The following THAP8 variants were observed in gnomAD, a reference collection of about 807,000 sequenced individuals.
The protein encoded by THAP8 is THAP domain containing 8.
A neutral mutation model predicts 25.0 loss-of-function variants in THAP8; 24 were observed. The ratio of observed to expected loss-of-function variants is 0.96; its 90% CI spans 0.69 to 1.35. The LOEUF (loss-of-function observed/expected upper bound fraction) is 1.35, where lower values mean the gene tolerates loss of function less well. THAP8 is among the 40% of genes most tolerant of loss of function. THAP8 has a pLI of 0.00. For synonymous variants in THAP8, 169 were observed against 157.6 expected (o/e 1.07, Z -0.54); for missense variants, 399 against 368.8 (o/e 1.08, Z -0.67).
At chr19:36,045,720 G>A in intron 1 of THAP8, 1 of 456,442 alleles carries the variant, frequency 2.2e-6, no homozygotes, top group Non-Finnish European at 4.4e-6. Flanking sequence ...AAAGAAGAGA[G>A]GGCAATGCAA....
At chr19:36,054,408 C>T (rs1157041672), upstream of THAP8, 6 of 654,104 alleles carry the variant, frequency 9.2e-6, no homozygotes, top group East Asian at 1.4e-4. Context: ...CACAGTCCCG[C>T]CCTCGTCACG....
intron 1 of THAP8, among the ~76,000 whole-genome samples, chr19:36,045,249 G>A (rs989792334): frequency 6.6e-5 from 10 of 151,652 alleles, no homozygotes; most frequent in East Asian, 3.9e-4. Context: ...CACCACGTCC[G>A]GCTAATTTTT....
intron 1 of THAP8, among the ~76,000 whole-genome samples, chr19:36,044,380 T>C (rs1434658173): frequency 6.6e-6 from 1 of 151,622 alleles, no homozygotes; most frequent in Non-Finnish European, 1.5e-5. Context: ...TACATCACAA[T>C]TGAAAATGGA....
At chr19:36,040,784 T>A (rs1969663577) in intron 1 of THAP8, among the ~76,000 whole-genome samples, 1 of 152,046 alleles carries the variant, frequency 6.6e-6, no homozygotes, top group South Asian at 2.1e-4. Flanking sequence ...CACATCAACT[T>A]GTTGGAGCAG....
chr19:36,040,156 G>C lies in THAP8; in HGVS notation c.84-20C>G. 6.3e-7 allele frequency: 1 copy of C among 1,591,540 alleles called. No homozygotes were observed. The highest frequency in any genetic ancestry group is 1.1e-5 in the South Asian group (1 of 90,200). On this transcript the variant is annotated intron_variant, in intron 1 of 3. Coordinates refer to ENST00000292894, the MANE Select transcript of THAP8 (RefSeq NM_152658.3). ...GGGAACCTGCATGGGTGGTTGGGGG[G>C]CTGGGTCAGTGCTACGAGGTTCAGA...
At chr19:36,049,561 CA>C (rs1969993308) in intron 1 of THAP8, among the ~76,000 whole-genome samples, 1 of 152,280 alleles carries the variant, frequency 6.6e-6, no homozygotes, top group Admixed American at 6.5e-5. Context: ...AAGACTGACT[CA>C]GGGGTAGGCC....
At chr19:36,047,367 C>T (rs1467690840) in intron 1 of THAP8, among the ~76,000 whole-genome samples, 1 of 152,148 alleles carries the variant, frequency 6.6e-6, no homozygotes, top group Non-Finnish European at 1.5e-5. Flanking sequence ...TCTGGGAAGG[C>T]CTTATAAAGG....
In THAP8 at chr19:36,039,683, G is replaced by C. The variant is rs1228676174; in HGVS notation, c.312C>G (p.Val104=). ...QRRTRSTQKP[V]SPPPPLQKNT... Reference sequence around the variant, plus strand: ...TCTTCTGTAGGGGAGGCGGCGGCGAGACTGGCTTCTGGGTGCTTCGGGTCC... The same window carrying C: ...TCTTCTGTAGGGGAGGCGGCGGCGACACTGGCTTCTGGGTGCTTCGGGTCC... The change falls in exon 3 of 4, where the codon GTC becomes GTG. Residue 104 remains valine, a synonymous_variant. Transcript: ENST00000292894. The C allele has an allele frequency of 6.6e-7, 1 of 1,526,372 alleles. No homozygotes were observed. Among genetic ancestry groups the C allele is most frequent in the Admixed American group, 2.1e-5 (1 of 46,924 alleles). 94.6% of individuals were successfully genotyped at this position (1,526,372 alleles called of 1,614,324 possible). A position where few individuals can be genotyped will look rare whatever the true frequency, so the allele number is the denominator to read the frequency against.
chr19:36,039,675 G>A lies in THAP8; in HGVS notation c.320C>T (p.Pro107Leu), dbSNP rs375640594. ...GGGTGTATTCTTCTGTAGGGGAGGCGGCGGCGAGACTGGCTTCTGGGTGCT... is the reference window on the plus strand; with the variant it reads ...GGGTGTATTCTTCTGTAGGGGAGGCAGCGGCGAGACTGGCTTCTGGGTGCT... ...TRSTQKPVSP[P>L]PPLQKNTPLP... Residue 107 changes from proline to leucine, a missense_variant, in exon 3 of 4, where the codon CCG becomes CTG. By Grantham distance (98) the Pro-to-Leu change is moderately conservative. Transcript: ENST00000292894. The A allele has an allele frequency of 1.9e-4, 286 of 1,525,644 alleles. No homozygotes were observed. Among genetic ancestry groups the A allele is most frequent in the Non-Finnish European group, 2.3e-4 (262 of 1,135,250 alleles). 94.5% of individuals were successfully genotyped at this position (1,525,644 alleles called of 1,614,324 possible).
chr19:36,054,589 G>A, upstream of THAP8: 4 of 538,056 alleles, frequency 7.4e-6, no homozygotes, highest in Non-Finnish European at 1.0e-5. Flanking sequence ...GCCTACATCC[G>A]GGCAACCGTT....
chr19:36,037,143 T>G (rs934291196), intron 3 of THAP8, among the ~76,000 whole-genome samples: 7 of 151,582 alleles, frequency 4.6e-5, no homozygotes, highest in Non-Finnish European at 1.0e-4. Flanking sequence ...AATTTCGCCT[T>G]GGTCAAACTG....
chr19:36,050,395 C>T (rs1282300142), intron 1 of THAP8, among the ~76,000 whole-genome samples: 2 of 152,198 alleles, frequency 1.3e-5, no homozygotes, highest in African/African-American at 2.4e-5. Flanking sequence ...CCTCCTGCCT[C>T]GACTTCCCAA....
rs1020228535 is a variant in THAP8, at chr19:36,048,865, C to CA, written c.83+5269dup. On this transcript the variant is annotated intron_variant, in intron 1 of 3. Coordinates refer to ENST00000292894, the MANE Select transcript of THAP8 (RefSeq NM_152658.3). ...TTAAAAAAAAAAAAAAACAAAAAAACAAAAAACACCTTTGTTGTAGTAAGC... is the reference window on the plus strand; with the variant it reads ...TTAAAAAAAAAAAAAAACAAAAAAACAAAAAAACACCTTTGTTGTAGTAAGC... Among the ~76,000 whole-genome samples, 35 of 120,338 alleles carry CA rather than the reference C, an allele frequency of 2.9e-4. 1 individual carries two copies. The South Asian group carries it at 8.5e-3, about 29-fold the overall frequency. The allele number at this position is 120,338 out of a possible 152,430, so 78.9% of individuals were successfully genotyped here.
At chr19:36,042,333 C>T (rs56270047) in intron 1 of THAP8, among the ~76,000 whole-genome samples, 11,026 of 151,930 alleles carry the variant, frequency 0.073, 454 homozygotes, top group South Asian at 0.095. Flanking sequence ...CACCTGCGTT[C>T]GTAGCAACAT....
At chr19:36,043,319 T>C (rs1969764826) in intron 1 of THAP8, among the ~76,000 whole-genome samples, 1 of 152,158 alleles carries the variant, frequency 6.6e-6, no homozygotes, top group South Asian at 2.1e-4. Context: ...AGTCAAATAC[T>C]GACGATTTCA....
chr19:36,039,193 G>C (rs1426225749), intron 3 of THAP8, 130 bp downstream of exon 3: 2 of 1,316,900 alleles, frequency 1.5e-6, no homozygotes, highest in African/African-American at 3.1e-5. Context: ...CTGAGCCCGG[G>C]AAAGCCAGAA....
rs1042125223 is a variant in THAP8, at chr19:36,035,402, T to A, written c.*38A>T. 2.5e-6 allele frequency: 4 copies of A among 1,592,928 alleles called. No individual in the cohort carries two copies. Among genetic ancestry groups the A allele is most frequent in the Non-Finnish European group, 3.4e-6 (4 of 1,164,392 alleles). ...CGTATAATGTCTTTCCTCCTCCATC[T>A]TCTATCTTTTGTCCCTCGACATTGT... On this transcript the variant is annotated 3_prime_UTR_variant, in exon 4 of 4. Transcript: ENST00000292894.
intron 1 of THAP8, 23 bp downstream of exon 1, chr19:36,054,112 G>A: frequency 2.5e-6 from 4 of 1,608,410 alleles, no homozygotes; most frequent in Non-Finnish European, 3.4e-6. Flanking sequence ...CCTCCCTCAA[G>A]CCCCGCCCCG....
chr19:36,045,705 A>G (rs1467108183), intron 1 of THAP8: 3 of 455,962 alleles, frequency 6.6e-6, no homozygotes, highest in Admixed American at 2.4e-5. Context: ...ATATATTACC[A>G]CAGAAAAGAA....
Sources: allele counts gnomAD v4.1 joint callset (sites outside exome capture counted in the v4.1 genomes callset), GRCh38; gene constraint gnomAD v4.1.1; transcripts MANE v1.5; gene names NCBI Gene and HGNC (gene_info 2026-07-23, HGNC 2026-07-21).